Variants in SLC24A4 observed in about 807,000 individuals in gnomAD.
SLC24A4 encodes the protein sodium/potassium/calcium exchanger 4.
SLC24A4 carries 53 observed loss-of-function variants against 79.0 expected under a neutral mutation model. That is an observed-to-expected ratio of 0.67 (90% confidence interval 0.54 to 0.84). SLC24A4 has a LOEUF of 0.84. Among genes scored for constraint, SLC24A4 ranks in the 40% least tolerant of loss-of-function variants. The pLI, the probability that SLC24A4 is intolerant of heterozygous loss-of-function variation, is 0.00. For missense variants in SLC24A4, 731 were observed against 822.0 expected, an observed-to-expected ratio of 0.89 and a Z score of 1.35; for synonymous variants, 323 against 323.8, an observed-to-expected ratio of 1.00 and a Z score of 0.03.
At chr14:92,424,653 G>A (rs1013906047) in intron 2 of SLC24A4, among the ~76,000 whole-genome samples, 1 of 151,974 alleles carries the variant, frequency 6.6e-6, no homozygotes, top group Non-Finnish European at 1.5e-5. Flanking sequence ...CTTGAGGCCA[G>A]GAGTTTGAGA....
At chr14:92,340,965 A>G (rs1886107465) in intron 2 of SLC24A4, among the ~76,000 whole-genome samples, 1 of 152,188 alleles carries the variant, frequency 6.6e-6, no homozygotes. Context: ...GCAAAAGGGA[A>G]GAGTCGGGGC....
rs117712906 is a variant in SLC24A4, at chr14:92,360,557, A to G, written c.241+34579A>G. ...TATGTCCTCTCTGGGGCTGATACCA[A>G]TAATGCTCTTACAAACATCCTGTGT... On this transcript the variant is annotated intron_variant, in intron 2 of 16. Transcript: ENST00000532405. 9.8e-5 allele frequency among the ~76,000 whole-genome samples: 15 copies of G among 152,374 alleles called. No individual in the cohort carries two copies. The East Asian group carries it at 2.9e-3, about 29-fold the overall frequency.
chr14:92,493,373 G>T, intron 16 of SLC24A4, 103 bp from the exon 17 acceptor site: 2 of 1,399,562 alleles, frequency 1.4e-6, no homozygotes, highest in Non-Finnish European at 2.0e-6. Flanking sequence ...CCCACATTCT[G>T]CAGAATGTTC....
intron 2 of SLC24A4, among the ~76,000 whole-genome samples, chr14:92,431,496 A>G (rs992840809): frequency 1.3e-5 from 2 of 152,192 alleles, no homozygotes; most frequent in Non-Finnish European, 2.9e-5. Context: ...GTCCTGGTCT[A>G]TACCCACCCC....
intron 2 of SLC24A4, among the ~76,000 whole-genome samples, chr14:92,393,260 C>A (rs1030864573): frequency 6.6e-6 from 1 of 152,226 alleles, no homozygotes; most frequent in Non-Finnish European, 1.5e-5. Flanking sequence ...CCAGACATAC[C>A]TCAGTGATGG....
intron 12 of SLC24A4, among the ~76,000 whole-genome samples, chr14:92,456,959 G>C (rs1467181058): frequency 6.6e-6 from 1 of 152,144 alleles, no homozygotes; most frequent in Non-Finnish European, 1.5e-5. Flanking sequence ...GTTATTTTTA[G>C]GGACATTCTT....
chr14:92,428,601 G>C (rs1008099192), intron 2 of SLC24A4, among the ~76,000 whole-genome samples: 5 of 152,324 alleles, frequency 3.3e-5, no homozygotes, highest in South Asian at 2.1e-4. Flanking sequence ...TTTATAGGAC[G>C]GCTGAGGAAT....
chr14:92,438,701 A>G (rs1197130661), intron 3 of SLC24A4, among the ~76,000 whole-genome samples: 1 of 152,214 alleles, frequency 6.6e-6, no homozygotes, highest in East Asian at 1.9e-4. Context: ...TTCCCTAAGC[A>G]TACGACCCTC....
chr14:92,372,258 A>G (rs1888209879), intron 2 of SLC24A4, among the ~76,000 whole-genome samples: 2 of 152,068 alleles, frequency 1.3e-5, no homozygotes, highest in African/African-American at 4.8e-5. Flanking sequence ...GTCTCAGAGC[A>G]CTTGAGTCTC....
chr14:92,391,141 C>T (rs532434078), intron 2 of SLC24A4, among the ~76,000 whole-genome samples: 1 of 152,316 alleles, frequency 6.6e-6, no homozygotes, highest in African/African-American at 2.4e-5. Flanking sequence ...CTGGGAAATG[C>T]CCCTGGCTAG....
rs551206469 is a variant in SLC24A4, at chr14:92,492,959, AACACACACACACACACACACACAC to A, written c.1717-481_1717-458del. ...TTCCGTGCTTTAACCCTCTACCCCA[AACACACACACACACACACACACAC>A]ACACACACACACACACACACACACA... On this transcript the variant is annotated intron_variant, in intron 16 of 16. Transcript: ENST00000532405. 1.1e-3 allele frequency: 343 copies of A among 299,350 alleles called. 1 individual carries two copies. Among genetic ancestry groups the A allele is most frequent in the African/African-American group, 1.1e-3 (37 of 34,088 alleles). The allele number at this position is 299,350 out of a possible 1,614,324, so 18.5% of individuals were successfully genotyped here.
intron 14 of SLC24A4, among the ~76,000 whole-genome samples, chr14:92,487,617 G>A (rs1234541441): frequency 6.6e-6 from 1 of 152,172 alleles, no homozygotes; most frequent in Non-Finnish European, 1.5e-5. Flanking sequence ...GGCCCTGACA[G>A]CGAATGGGGA....
At chr14:92,423,050 A>G (rs932797664) in intron 2 of SLC24A4, among the ~76,000 whole-genome samples, 1 of 152,134 alleles carries the variant, frequency 6.6e-6, no homozygotes, top group Non-Finnish European at 1.5e-5. Context: ...GACTCAAGCA[A>G]TCCTCCCACC....
Position 92,323,701 on chromosome 14 carries a change from T to C in SLC24A4, c.-130T>C. On this transcript the variant is annotated 5_prime_UTR_variant, in exon 1 of 17. Transcript: ENST00000532405. This position sits in a 1 kb window ranked among gnomAD's most constrained non-coding sequence, Gnocchi z 4.9. ...GACCTCGCCCTCGGGCCATGAGGCTTTGGCCCGGAGCTCCTCGCCTCTGAG... is the reference window on the plus strand; with the variant it reads ...GACCTCGCCCTCGGGCCATGAGGCTCTGGCCCGGAGCTCCTCGCCTCTGAG... 4.1e-6 allele frequency: 5 copies of C among 1,215,250 alleles called. No individual in the cohort carries two copies. Among genetic ancestry groups the C allele is most frequent in the Non-Finnish European group, 5.5e-6 (5 of 905,706 alleles). The allele number at this position is 1,215,250 out of a possible 1,614,324, so 75.3% of individuals were successfully genotyped here.
intron 9 of SLC24A4, among the ~76,000 whole-genome samples, chr14:92,447,642 C>G (rs575266920): frequency 6.6e-6 from 1 of 152,204 alleles, no homozygotes; most frequent in Non-Finnish European, 1.5e-5. Flanking sequence ...AGGGGAGTCA[C>G]GCTGGTGGCT....
rs1038497679 is a variant in SLC24A4, at chr14:92,460,431, T to A, written c.1255+3823T>A. On this transcript the variant is annotated intron_variant, in intron 12 of 16. Transcript: ENST00000532405. ...TGCTTTAACCATGTGGCTTCTGTTA[T>A]CCTCTCCTTTTGGGACTACAGTGTT... is the stretch of plus-strand genomic sequence containing the variant. Among the ~76,000 whole-genome samples the A allele has an allele frequency of 4.6e-5, 7 of 152,302 alleles. No individual in the cohort carries two copies. The East Asian group carries it at 1.4e-3, about 29-fold the overall frequency.
chr14:92,422,393 G>A (rs1348533270), intron 2 of SLC24A4, among the ~76,000 whole-genome samples: 5 of 152,240 alleles, frequency 3.3e-5, no homozygotes, highest in African/African-American at 7.2e-5. Flanking sequence ...TCAAAGGGAA[G>A]AAACATATTT....
At chr14:92,483,389 G>C (rs1349802777) in intron 13 of SLC24A4, among the ~76,000 whole-genome samples, 1 of 152,184 alleles carries the variant, frequency 6.6e-6, no homozygotes, top group African/African-American at 2.4e-5. Context: ...GGAAATCGAG[G>C]CATAGAGAAA....
Position 92,486,680 on chromosome 14 carries a change from A to G in SLC24A4, c.1437A>G (p.Gly479=), listed in dbSNP as rs1188343484. ...YIMVWLVTII[G]YTLGIPDVIM... Reference sequence around the variant, plus strand: ...ACATTCTGCAGGTGACTATTATCGGATACACACTTGGGATCCCGGATGTCA... The same window carrying G: ...ACATTCTGCAGGTGACTATTATCGGGTACACACTTGGGATCCCGGATGTCA... The change falls in exon 14 of 17, where the codon GGA becomes GGG. Residue 479 remains glycine (G), a synonymous_variant. Coordinates refer to ENST00000532405, the MANE Select transcript of SLC24A4 (RefSeq NM_153646.4). 2.5e-6 allele frequency: 4 copies of G among 1,613,766 alleles called. No individual in the cohort carries two copies. The highest frequency in any genetic ancestry group is 3.4e-6 in the Non-Finnish European group (4 of 1,179,698).
Sources: allele counts gnomAD v4.1 joint callset (sites outside exome capture counted in the v4.1 genomes callset), GRCh38; gene constraint gnomAD v4.1.1; non-coding constraint Gnocchi (gnomAD v3.1); transcripts MANE v1.5; gene names NCBI Gene and HGNC (gene_info 2026-07-23, HGNC 2026-07-21).